The following CSGALNACT2 variants were observed in gnomAD, a reference collection of about 807,000 sequenced individuals.
The protein encoded by CSGALNACT2 is chondroitin sulfate N-acetylgalactosaminyltransferase 2.
A neutral mutation model predicts 55.3 loss-of-function variants in CSGALNACT2; 35 were observed. The ratio of observed to expected loss-of-function variants is 0.63; its 90% CI spans 0.48 to 0.84. The LOEUF is 0.84. Ranked by LOEUF, CSGALNACT2 falls within the 40% of genes least tolerant of loss-of-function variation. CSGALNACT2 has a pLI of 0.00. For synonymous variants in CSGALNACT2, 196 were observed against 224.9 expected, an observed-to-expected ratio of 0.87 and a Z score of 1.15; for missense variants, 544 against 657.5, an observed-to-expected ratio of 0.83 and a Z score of 1.89.
intron 6 of CSGALNACT2, among the ~76,000 whole-genome samples, chr10:43,171,457 A>G (rs191582980): frequency 3.0e-4 from 46 of 151,310 alleles, no homozygotes; most frequent in African/African-American, 1.1e-3. Context: ...GTTTCAAGCG[A>G]TTCTCCTGCC....
At chr10:43,163,415 G>T (rs1839193887) in intron 4 of CSGALNACT2, 3 of 680,530 alleles carry the variant, frequency 4.4e-6, no homozygotes, top group Non-Finnish European at 5.4e-6. Flanking sequence ...AGATGAAGGA[G>T]TGGGAGGTGG....
At chr10:43,169,210 A>C (rs577689991) in intron 6 of CSGALNACT2, among the ~76,000 whole-genome samples, 1 of 152,222 alleles carries the variant, frequency 6.6e-6, no homozygotes, top group African/African-American at 2.4e-5. Context: ...CTGTGACTGG[A>C]GATAGGCCAT....
chr10:43,178,852 A>G (rs892862120), intron 7 of CSGALNACT2, among the ~76,000 whole-genome samples: 7 of 151,978 alleles, frequency 4.6e-5, no homozygotes, highest in Non-Finnish European at 8.8e-5. Flanking sequence ...CACTCACTGT[A>G]TGTATGTTGG....
At chr10:43,162,301 A>T (rs974202189) in intron 4 of CSGALNACT2, 64 of 660,614 alleles carry the variant, frequency 9.7e-5, no homozygotes, top group Non-Finnish European at 1.3e-4. Context: ...TCCCAGCTCC[A>T]GTTGAGAAAA....
chr10:43,145,026 T>G (rs998116744), intron 1 of CSGALNACT2, among the ~76,000 whole-genome samples: 1 of 152,238 alleles, frequency 6.6e-6, no homozygotes, highest in Non-Finnish European at 1.5e-5. Context: ...GTATCTGTTT[T>G]ACTACAGTTT....
At chr10:43,160,722 G>A in intron 4 of CSGALNACT2, 127 bp downstream of exon 4, 2 of 634,100 alleles carry the variant, frequency 3.2e-6, no homozygotes, top group Non-Finnish European at 5.6e-6. Context: ...TGTGGGCGGT[G>A]GTGGTGATGA....
rs140682829 is a variant in CSGALNACT2 at position 43,139,572 on chromosome 10, T to G, written c.-254+1005T>G. ...TACAGCTCAATGAATTTTTACATAC[T>G]TATTACCCTGTGGAACCACCAGATA... On this transcript the variant is annotated intron_variant, in intron 1 of 7. Coordinates refer to ENST00000374466, the MANE Select transcript of CSGALNACT2 (RefSeq NM_018590.5). Among the ~76,000 whole-genome samples, 46 of 152,374 alleles carry G rather than the reference T, an allele frequency of 3.0e-4. 1 individual carries two copies. The highest frequency in any genetic ancestry group is 1.1e-3 in the African/African-American group (46 of 41,588).
intron 6 of CSGALNACT2, among the ~76,000 whole-genome samples, 179 bp from the exon 7 acceptor site, chr10:43,175,772 T>G (rs1412498749): frequency 6.6e-6 from 1 of 152,232 alleles, no homozygotes; most frequent in African/African-American, 2.4e-5. Context: ...GTACAGGCTT[T>G]GAGTTCTATT....
intron 6 of CSGALNACT2, among the ~76,000 whole-genome samples, chr10:43,169,574 C>G (rs1019264067): frequency 3.3e-5 from 5 of 152,024 alleles, no homozygotes; most frequent in Non-Finnish European, 7.4e-5. Context: ...CAACTGGACA[C>G]GTAAAGTTCA....
At chr10:43,174,146 AG>A (rs946608235) in intron 6 of CSGALNACT2, among the ~76,000 whole-genome samples, 17 of 151,938 alleles carry the variant, frequency 1.1e-4, no homozygotes, top group African/African-American at 4.1e-4. Flanking sequence ...AGAATCCACA[AG>A]TCCTCCCCTC....
At chr10:43,177,013 T>A (rs564022176) in intron 7 of CSGALNACT2, among the ~76,000 whole-genome samples, 13 of 152,358 alleles carry the variant, frequency 8.5e-5, no homozygotes, top group Middle Eastern at 6.8e-3. Context: ...TTTATATACA[T>A]TCTAGGTCCA....
At chr10:43,158,137 C>T (rs1385715385) in intron 2 of CSGALNACT2, among the ~76,000 whole-genome samples, 1 of 151,418 alleles carries the variant, frequency 6.6e-6, no homozygotes, top group Non-Finnish European at 1.5e-5. Flanking sequence ...TCTTTGACTT[C>T]ACTCTAGTCA....
chr10:43,153,527 T>G (rs903394858), intron 1 of CSGALNACT2, among the ~76,000 whole-genome samples: 7 of 151,826 alleles, frequency 4.6e-5, no homozygotes, highest in African/African-American at 1.7e-4. Flanking sequence ...CATTGCAGCA[T>G]TTGCCACAGA....
intron 7 of CSGALNACT2, among the ~76,000 whole-genome samples, chr10:43,178,727 A>C (rs1839532304): frequency 6.6e-6 from 1 of 151,202 alleles, no homozygotes; most frequent in African/African-American, 2.4e-5. Flanking sequence ...TTTTTCCCTA[A>C]TATTTTTGAA....
At chr10:43,172,256 C>T (rs2133145827) in intron 6 of CSGALNACT2, among the ~76,000 whole-genome samples, 1 of 152,076 alleles carries the variant, frequency 6.6e-6, no homozygotes, top group South Asian at 2.1e-4. Context: ...GTGAATATTG[C>T]ATATCAAGGA....
chr10:43,162,181 C>T (rs1220855246), intron 4 of CSGALNACT2: 7 of 519,064 alleles, frequency 1.3e-5, no homozygotes, highest in Non-Finnish European at 2.7e-5. Context: ...TGCATGTTGA[C>T]TTCATTCTCC....
chr10:43,168,800 C>T (rs373596583), intron 6 of CSGALNACT2, among the ~76,000 whole-genome samples: 13 of 151,940 alleles, frequency 8.6e-5, no homozygotes, highest in Non-Finnish European at 1.9e-4. Flanking sequence ...CCATATCTGA[C>T]GGTGAATTAT....
chr10:43,178,678 G>T (rs1264512960), intron 7 of CSGALNACT2, among the ~76,000 whole-genome samples: 2 of 148,990 alleles, frequency 1.3e-5, no homozygotes, highest in African/African-American at 4.9e-5. Context: ...TTGTTATATT[G>T]TATTTAAATT....
chr10:43,179,431 A>G (rs1588916153), intron 7 of CSGALNACT2, among the ~76,000 whole-genome samples: 1 of 151,162 alleles, frequency 6.6e-6, no homozygotes, highest in African/African-American at 2.4e-5. Flanking sequence ...ACATGGCTGG[A>G]CTATTTTAAC....
Sources: allele counts gnomAD v4.1 joint callset (sites outside exome capture counted in the v4.1 genomes callset), GRCh38; gene constraint gnomAD v4.1.1; transcripts MANE v1.5; gene names NCBI Gene and HGNC (gene_info 2026-07-23, HGNC 2026-07-21).